The following SPATA1 variants were observed in gnomAD, a reference collection of about 807,000 sequenced individuals.
The protein encoded by SPATA1 is spermatogenesis associated 1.
A neutral mutation model predicts 59.6 loss-of-function variants in SPATA1; 57 were observed. The ratio of observed to expected loss-of-function variants is 0.96; its 90% CI spans 0.77 to 1.19. SPATA1 has a LOEUF of 1.19. Among genes scored for constraint, SPATA1 ranks in the 50% most tolerant of loss-of-function variants. The pLI, the probability that SPATA1 is intolerant of heterozygous loss-of-function variation, is 0.00. For synonymous variants in SPATA1, 147 were observed against 163.9 expected (o/e 0.90, Z 0.79); for missense variants, 448 against 480.7 (o/e 0.93, Z 0.64).
chr1:84,538,561 C>T (rs773582752), intron 8 of SPATA1, among the ~76,000 whole-genome samples: 38 of 152,074 alleles, frequency 2.5e-4, no homozygotes, highest in African/African-American at 8.5e-4. Flanking sequence ...CCATGGTCTG[C>T]GACATGTTGA....
intron 12 of SPATA1, 148 bp downstream of exon 12, chr1:84,550,678 A>G (rs1376048898): frequency 1.2e-5 from 12 of 1,029,992 alleles, no homozygotes; most frequent in Non-Finnish European, 1.3e-5. Flanking sequence ...AGCATAGGTG[A>G]AAAAAAAAAT....
At chr1:84,536,731 A>T (rs1223093527) in intron 8 of SPATA1, among the ~76,000 whole-genome samples, 1 of 152,108 alleles carries the variant, frequency 6.6e-6, no homozygotes, top group African/African-American at 2.4e-5. Flanking sequence ...GGCATGAGCC[A>T]CCGCACCCGG....
intron 6 of SPATA1, among the ~76,000 whole-genome samples, chr1:84,530,929 C>T (rs1000946441): frequency 6.6e-6 from 1 of 152,188 alleles, no homozygotes. Context: ...TGTCACCAAA[C>T]AGCTCATAGT....
At chr1:84,510,474 A>G (rs1160974978) in intron 1 of SPATA1, among the ~76,000 whole-genome samples, 1 of 152,194 alleles carries the variant, frequency 6.6e-6, no homozygotes, top group Non-Finnish European at 1.5e-5. Flanking sequence ...TCTCTCCCCA[A>G]TTAAAGTGGC....
exon 3 of SPATA1, chr1:84,520,678 G>T (rs867333589): frequency 6.4e-7 from 1 of 1,558,990 alleles, no homozygotes; most frequent in African/African-American, 1.4e-5. Context: ...ATTCATTTCA[G>T]CTGGATTTCT....
chr1:84,549,607 TG>T lies in SPATA1; in HGVS notation c.1125+644del, dbSNP rs556841259. 2.3e-3 allele frequency: 350 copies of T among 152,232 alleles called. 4 individuals carry two copies. Among genetic ancestry groups the T allele is most frequent in the African/African-American group, 8.1e-3 (336 of 41,556 alleles). The allele number at this position is 152,232 out of a possible 1,614,324, so 9.4% of individuals were successfully genotyped here. A position where few individuals can be genotyped will look rare whatever the true frequency, so the allele number is the denominator to read the frequency against. ...TCAGTTCTTTTTTTTGAGACAGCCT[TG>T]AATCAGAGACATGAAGTTTATTTTA... On this transcript the variant is annotated intron_variant, in intron 11 of 12. Coordinates refer to ENST00000490879, the Ensembl canonical transcript of SPATA1.
At chr1:84,516,059 G>A (rs1376416414) in intron 1 of SPATA1, among the ~76,000 whole-genome samples, 164 bp from the exon 2 acceptor site, 1 of 152,106 alleles carries the variant, frequency 6.6e-6, no homozygotes, top group Non-Finnish European at 1.5e-5. Context: ...AATTTGTCAT[G>A]TTACTTAGTT....
intron 9 of SPATA1, among the ~76,000 whole-genome samples, chr1:84,544,573 T>A (rs1015737303): frequency 2.6e-5 from 4 of 152,024 alleles, no homozygotes; most frequent in African/African-American, 9.7e-5. Context: ...TTTATTTTAT[T>A]TTTTTTAGAC....
downstream of SPATA1, chr1:84,555,084 C>T (rs1304958373): frequency 3.1e-6 from 5 of 1,614,006 alleles, no homozygotes; most frequent in Non-Finnish European, 4.2e-6. Flanking sequence ...GTAGTCAAGA[C>T]AGTTTGCATT....
chr1:84,509,703 T>G (rs969207722), intron 1 of SPATA1, among the ~76,000 whole-genome samples: 1 of 152,068 alleles, frequency 6.6e-6, no homozygotes, highest in Middle Eastern at 3.2e-3. Flanking sequence ...GAGGCAGAGA[T>G]TGCAGTAAGC....
intron 8 of SPATA1, among the ~76,000 whole-genome samples, chr1:84,541,269 G>A (rs777334209): frequency 1.1e-4 from 17 of 152,050 alleles, no homozygotes; most frequent in Non-Finnish European, 2.2e-4. Flanking sequence ...TTTATTTCAA[G>A]GATGTTTTCT....
chr1:84,550,429 C>T lies in SPATA1; in HGVS notation c.1126-3C>T, dbSNP rs17111308. On this transcript the variant is annotated splice_region_variant and splice_polypyrimidine_tract_variant and intron_variant, in intron 11 of 12. Coordinates refer to ENST00000490879, the Ensembl canonical transcript of SPATA1. ...CTAAATAAATATCTATCTATCCACACAGAATTACCTAATAATCCAGATCAC... is the reference window on the plus strand; with the variant it reads ...CTAAATAAATATCTATCTATCCACATAGAATTACCTAATAATCCAGATCAC... 0.035 allele frequency: 52,498 copies of T among 1,487,474 alleles called. 2,141 individuals carry two copies. The highest frequency in any genetic ancestry group is 0.19 in the African/African-American group (13,501 of 69,928). The allele number at this position is 1,487,474 out of a possible 1,614,324, so 92.1% of individuals were successfully genotyped here. A position where few individuals can be genotyped will look rare whatever the true frequency, so the allele number is the denominator to read the frequency against.
chr1:84,524,750 C>A (rs972312548), intron 4 of SPATA1, among the ~76,000 whole-genome samples: 1 of 152,184 alleles, frequency 6.6e-6, no homozygotes. Flanking sequence ...TTCTAACAGG[C>A]CTTCCCTGAC....
At chr1:84,551,378 T>C in intron 12 of SPATA1, 1 of 737,878 alleles carries the variant, frequency 1.4e-6, no homozygotes, top group Non-Finnish European at 1.7e-6. Flanking sequence ...TAAAAATAAA[T>C]AAAATTTAAA....
rs140679006 is a variant in SPATA1, at chr1:84,516,382, C to T, written c.23C>T (p.Pro8Leu). 76 of 1,507,322 alleles carry T rather than the reference C, an allele frequency of 5.0e-5. No homozygotes were observed. In the African/African-American group the frequency reaches 9.5e-4, roughly 19 times the overall value. The allele number at this position is 1,507,322 out of a possible 1,614,324, so 93.4% of individuals were successfully genotyped here. ...AATATGTCACTCAATCCAAGTCGAC[C>T]TTCCTCATCAGAGGTAAGAAAATCT... is the stretch of plus-strand genomic sequence containing the variant. Residue 8 changes from proline (P) to leucine (L), a missense_variant, in exon 2 of 13, where the codon CCT becomes CTT. Coordinates refer to ENST00000490879, the Ensembl canonical transcript of SPATA1.
chr1:84,547,960 TAGAA>T (rs1322549736), intron 10 of SPATA1, among the ~76,000 whole-genome samples: 2 of 152,098 alleles, frequency 1.3e-5, no homozygotes, highest in African/African-American at 2.4e-5. Context: ...ACAGACCAGT[TAGAA>T]AGAGAATGCA....
chr1:84,516,327 A>G, exon 2 of SPATA1: 1 of 1,499,720 alleles, frequency 6.7e-7, no homozygotes, highest in African/African-American at 1.4e-5. Flanking sequence ...CAAAATTCCA[A>G]TTGATAATTA....
rs114084680 is a variant in SPATA1 at position 84,549,007 on chromosome 1, C to G, written c.1125+43C>G. On this transcript the variant is annotated intron_variant, in intron 11 of 12. Coordinates refer to ENST00000490879, the Ensembl canonical transcript of SPATA1. ...CCCCTTCCGTTAGAGAAGTTCTGTTCAAAACACATGCTTTATAAGTGCTAG... is the reference window on the plus strand; with the variant it reads ...CCCCTTCCGTTAGAGAAGTTCTGTTGAAAACACATGCTTTATAAGTGCTAG... 2,323 of 1,484,096 alleles carry G rather than the reference C, an allele frequency of 1.6e-3. 37 individuals are homozygous for G. The African/African-American group carries it at 0.027, about 17-fold the overall frequency. The allele number at this position is 1,484,096 out of a possible 1,614,324, so 91.9% of individuals were successfully genotyped here. A position where few individuals can be genotyped will look rare whatever the true frequency, so the allele number is the denominator to read the frequency against.
intron 3 of SPATA1, 34 bp downstream of exon 3, chr1:84,520,725 G>A: frequency 7.6e-7 from 1 of 1,322,518 alleles, no homozygotes; most frequent in Admixed American, 2.8e-5. Flanking sequence ...CAATATGCCT[G>A]AAAGAAGAAT....
Sources: allele counts gnomAD v4.1 joint callset (sites outside exome capture counted in the v4.1 genomes callset), GRCh38; gene constraint gnomAD v4.1.1; transcripts MANE v1.5; gene names NCBI Gene and HGNC (gene_info 2026-07-23, HGNC 2026-07-21).